TRIOBP: variants seen among roughly 807,000 people sequenced by gnomAD.
TRIOBP encodes TRIO and F-actin-binding protein.
In TRIOBP, 169 loss-of-function variants were observed where a neutral mutation model predicts 238.8. That is an observed-to-expected ratio of 0.71 (90% CI 0.62 to 0.80). TRIOBP has a LOEUF of 0.80. Ranked by LOEUF, TRIOBP falls within the 30% of genes least tolerant of loss-of-function variation. The pLI is 0.00. For missense variants in TRIOBP, 2,838 were observed against 3,122.6 expected (o/e 0.91, Z 2.17); for synonymous variants, 1,150 against 1,274.4 (o/e 0.90, Z 2.08).
chr22:37,755,522 G>A, intron 14 of TRIOBP, 28 bp from the exon 15 acceptor site: 1 of 1,603,780 alleles, frequency 6.2e-7, no homozygotes, highest in Non-Finnish European at 8.5e-7. Context: ...TGGCCATGTG[G>A]CAACCTACCC....
At chr22:37,743,724 T>C (rs1925052573) in intron 11 of TRIOBP, among the ~76,000 whole-genome samples, 2 of 152,002 alleles carry the variant, frequency 1.3e-5, no homozygotes, top group African/African-American at 4.8e-5. Flanking sequence ...TTTGGCTTCC[T>C]TTGGTCTGAG....
intron 17 of TRIOBP, among the ~76,000 whole-genome samples, chr22:37,763,623 AGAAAT>A (rs1025915847): frequency 2.0e-5 from 3 of 152,352 alleles, no homozygotes; most frequent in African/African-American, 7.2e-5. Context: ...ATTATATAAA[AGAAAT>A]GTTTACATTT....
intron 18 of TRIOBP, among the ~76,000 whole-genome samples, chr22:37,766,481 AT>A (rs1479044154): frequency 2.6e-5 from 4 of 152,224 alleles, no homozygotes; most frequent in African/African-American, 9.6e-5. Flanking sequence ...TGTGCTCTGC[AT>A]TTCAGGAAGA....
intron 7 of TRIOBP, 119 bp from the exon 8 acceptor site, chr22:37,733,179 A>G (rs1390413767): frequency 1.5e-5 from 12 of 783,588 alleles, no homozygotes; most frequent in Admixed American, 2.0e-5. Context: ...GGGCCCTTCA[A>G]CGAGCTTGCA....
rs1176172809 is a variant in TRIOBP, at chr22:37,757,963, C to G, written c.6038C>G (p.Pro2013Arg). ...GEGPRRGLGA[P>R]LTEDQQNRLS... ...GGGCCGCGCCGGGGCCTGGGTGCCC[C>G]CCTGACTGAGGACCAGCAAAACCGG... The change falls in exon 16 of 24, where the codon CCC becomes CGC. Residue 2013 changes from proline (P) to arginine (R), a missense_variant. Pro to Arg is a moderately radical substitution (Grantham distance 103). Around this residue, in one of 5 missense-constraint regions of TRIOBP, gnomAD observed 2,096 missense variants for 2,137.4 expected, o/e 0.98. Coordinates refer to ENST00000644935, the MANE Select transcript of TRIOBP (RefSeq NM_001039141.3). 1.9e-6 allele frequency: 3 copies of G among 1,572,002 alleles called. No individual in the cohort carries two copies. The highest frequency in any genetic ancestry group is 1.7e-6 in the Non-Finnish European group (2 of 1,159,492).
In TRIOBP at chr22:37,713,352, G is replaced by A. The variant is rs1569035691; in HGVS notation, c.397G>A (p.Asp133Asn). Residue 133 changes from aspartate (D) to asparagine (N), a missense_variant, in exon 5 of 24, where the codon GAC becomes AAC. Asp to Asn is a conservative substitution (Grantham distance 23). Coordinates refer to ENST00000644935, the MANE Select transcript of TRIOBP (RefSeq NM_001039141.3). ...CGSCNEDPGS[D>N]PTSSPDSATP... ...CAGCTGCAACGAGGACCCCGGCTCT[G>A]ACCCCACCTCCAGCCCTGACTCCGC... is the stretch of plus-strand genomic sequence containing the variant. 1.9e-6 allele frequency: 3 copies of A among 1,613,958 alleles called. No individual in the cohort carries two copies. Among genetic ancestry groups the A allele is most frequent in the South Asian group, 1.1e-5 (1 of 91,084 alleles).
chr22:37,719,989 C>CACACTGCACTCACTGTTTCACTCATA (rs367687004), intron 6 of TRIOBP, among the ~76,000 whole-genome samples: 6 of 71,202 alleles, frequency 8.4e-5, no homozygotes, highest in Admixed American at 1.7e-4. Flanking sequence ...TTTCACTCAT[C>CACACTGCACTCACTGTTTCACTCATA]CCCCCCCGCC....
chr22:37,708,630 G>C (rs1923076661), intron 3 of TRIOBP, among the ~76,000 whole-genome samples: 1 of 152,236 alleles, frequency 6.6e-6, no homozygotes, highest in South Asian at 2.1e-4. Context: ...TATCCTGCCG[G>C]TTTTGTAGAT....
chr22:37,698,550 A>G (rs143822714), intron 2 of TRIOBP, among the ~76,000 whole-genome samples: 3,602 of 151,886 alleles, frequency 0.024, 70 homozygotes, highest in Non-Finnish European at 0.037. Flanking sequence ...ACAGGGTTTC[A>G]TCATGTTGGG....
chr22:37,750,796 A>G (rs1027979397), intron 11 of TRIOBP: 10 of 462,990 alleles, frequency 2.2e-5, no homozygotes, highest in Non-Finnish European at 4.1e-5. Flanking sequence ...AGAGGTGGCC[A>G]GGCAGGGTGG....
At chr22:37,749,148 A>G (rs1311998082) in intron 11 of TRIOBP, among the ~76,000 whole-genome samples, 1 of 152,046 alleles carries the variant, frequency 6.6e-6, no homozygotes, top group Non-Finnish European at 1.5e-5. Flanking sequence ...TGAGGTCAGG[A>G]GTTCGAGACC....
intron 7 of TRIOBP, among the ~76,000 whole-genome samples, chr22:37,727,390 C>T (rs1436510480): frequency 6.6e-6 from 1 of 151,250 alleles, no homozygotes; most frequent in Non-Finnish European, 1.5e-5. Context: ...TGGCCAGGGC[C>T]GGGCACGGTG....
At chr22:37,733,471 C>A in intron 8 of TRIOBP, 59 bp downstream of exon 8, 1 of 1,334,644 alleles carries the variant, frequency 7.5e-7, no homozygotes, top group Non-Finnish European at 1.1e-6. Context: ...TGCCTCTTCC[C>A]TCCCGCTAGA....
At chr22:37,727,795 C>T (rs1428293768) in intron 7 of TRIOBP, among the ~76,000 whole-genome samples, 5 of 152,190 alleles carry the variant, frequency 3.3e-5, no homozygotes, top group Admixed American at 6.5e-5. Context: ...TTTGAGTCTC[C>T]TTGGTCAGCA....
In TRIOBP at chr22:37,704,785, C is replaced by CAG; in HGVS notation, c.114+3306_114+3307insAG. 2.0e-5 allele frequency among the ~76,000 whole-genome samples: 3 copies of CAG among 151,760 alleles called. No homozygotes were observed. The Middle Eastern group carries it at 0.01, about 516-fold the overall frequency. ...AAGGCCAGCCTGGCACGGCAGCTCA[C>CAG]GCCTGTAATCCCAGCACTTTGGGAG... On this transcript the variant is annotated intron_variant, in intron 3 of 23. Coordinates refer to ENST00000644935, the MANE Select transcript of TRIOBP (RefSeq NM_001039141.3).
intron 3 of TRIOBP, among the ~76,000 whole-genome samples, chr22:37,702,634 CTTTTTTTTTTTTTT>C (rs34625454): frequency 6.2e-5 from 5 of 81,198 alleles, no homozygotes; most frequent in Non-Finnish European, 9.3e-5. Flanking sequence ...TTCTCTCTCT[CTTTTTTTTTTTTTT>C]TTTTTTTTTT....
chr22:37,724,970 C>T lies in TRIOBP; in HGVS notation c.2414C>T (p.Ser805Phe), dbSNP rs1487828952. Residue 805 changes from serine to phenylalanine, a missense_variant, in exon 7 of 24, where the codon TCT becomes TTT. This residue lies in a region of TRIOBP where 2,096 missense variants were observed against 2,137.4 expected (regional missense o/e 0.98). Transcript: ENST00000644935. ...CAGCGGGACAATCTCAGAGCCTCCTCTCCCATCAGAGCCACCCAACAGGAC... is the reference window on the plus strand; with the variant it reads ...CAGCGGGACAATCTCAGAGCCTCCTTTCCCATCAGAGCCACCCAACAGGAC... ...CAQRDNLRAS[S>F]PIRATQQDNP... 4 of 1,613,962 alleles carry T rather than the reference C, an allele frequency of 2.5e-6. No individual in the cohort carries two copies. The highest frequency in any genetic ancestry group is 3.4e-6 in the Non-Finnish European group (4 of 1,179,900).
rs1925881887 is a variant in TRIOBP at position 37,755,669 on chromosome 22, A to G, written c.5687+10A>G. Reference sequence around the variant, plus strand: ...CCCCAGATGTCACCAAGTACGTACTAAGCTGGACTGGGGCCTTGAGGGAGG... The same window carrying G: ...CCCCAGATGTCACCAAGTACGTACTGAGCTGGACTGGGGCCTTGAGGGAGG... On this transcript the variant is annotated intron_variant, in intron 15 of 23. Coordinates refer to ENST00000644935, the MANE Select transcript of TRIOBP (RefSeq NM_001039141.3). The G allele has an allele frequency of 6.2e-7, 1 of 1,613,074 alleles. No homozygotes were observed. The highest frequency in any genetic ancestry group is 1.7e-5 in the Admixed American group (1 of 59,988).
chr22:37,726,362 A>T lies in TRIOBP; in HGVS notation c.3806A>T (p.Glu1269Val). 5.6e-6 allele frequency: 9 copies of T among 1,606,476 alleles called. No homozygotes were observed. The highest frequency in any genetic ancestry group is 7.6e-6 in the Non-Finnish European group (9 of 1,176,660). ...GETRHNLEREEYTVLADLPPP... is the reference protein window; with the variant it reads ...GETRHNLEREVYTVLADLPPP... ...ACCAGGCACAACTTGGAGCGGGAGGAGTACACTGTGCTGGCCGACCTGCCC... is the reference window on the plus strand; with the variant it reads ...ACCAGGCACAACTTGGAGCGGGAGGTGTACACTGTGCTGGCCGACCTGCCC... The change falls in exon 7 of 24, where the codon GAG (glutamate) becomes GTG (valine). Residue 1269 changes from glutamate (E) to valine (V), a missense_variant. Glu to Val is a moderately radical substitution (Grantham distance 121). Around this residue, in one of 5 missense-constraint regions of TRIOBP, gnomAD observed 2,096 missense variants for 2,137.4 expected, o/e 0.98. Coordinates refer to ENST00000644935, the MANE Select transcript of TRIOBP (RefSeq NM_001039141.3).
Sources: allele counts gnomAD v4.1 joint callset (sites outside exome capture counted in the v4.1 genomes callset), GRCh38; gene constraint gnomAD v4.1.1; regional missense constraint gnomAD v4.1.1; transcripts MANE v1.5; gene names NCBI Gene and HGNC (gene_info 2026-07-23, HGNC 2026-07-21).